Variants in TMEM39A observed in about 807,000 individuals in gnomAD.
The protein encoded by TMEM39A is transmembrane protein 39A, also known as suppressor of SQST-1 aggregates in rpl-43 mutants.
A neutral mutation model predicts 51.9 loss-of-function variants in TMEM39A; 19 were observed. The observed-to-expected ratio is 0.37, with a 90% CI of 0.26 to 0.54. The LOEUF (loss-of-function observed/expected upper bound fraction) is 0.54, where lower values mean the gene tolerates loss of function less well. Among genes scored for constraint, TMEM39A ranks in the 20% least tolerant of loss-of-function variants. The probability of loss-of-function intolerance (pLI) is 0.88; values close to 1 mark genes in which losing one functional copy is unlikely to be tolerated. For missense variants in TMEM39A, 433 were observed against 590.5 expected (o/e 0.73, Z 2.76); for synonymous variants, 197 against 220.2 (o/e 0.89, Z 0.93).
At chr3:119,447,245 A>ATTCC in intron 4 of TMEM39A, 73 bp from the exon 5 acceptor site, 1 of 1,505,736 alleles carries the variant, frequency 6.6e-7, no homozygotes, top group African/African-American at 1.4e-5. Flanking sequence ...TTCAAGTAAG[A>ATTCC]ACTTAATAGG....
intron 8 of TMEM39A, among the ~76,000 whole-genome samples, chr3:119,434,145 A>G (rs2080937200): frequency 6.6e-6 from 1 of 152,168 alleles, no homozygotes. Flanking sequence ...TTATAAGTAT[A>G]TACTTTTGCC....
chr3:119,457,607 T>A (rs191017007), intron 3 of TMEM39A, among the ~76,000 whole-genome samples: 13 of 152,302 alleles, frequency 8.5e-5, no homozygotes, highest in African/African-American at 2.9e-4. Context: ...CCTGAAGAAC[T>A]CCTGGCAACC....
rs746182405 is a variant in TMEM39A, at chr3:119,432,039, A to G, written c.1409T>C (p.Ile470Thr). The G allele has an allele frequency of 6.2e-7, 1 of 1,613,074 alleles. No individual in the cohort carries two copies. The highest frequency in any genetic ancestry group is 8.5e-7 in the Non-Finnish European group (1 of 1,179,448). The change falls in exon 9 of 9, where the codon ATA (isoleucine) becomes ACA (threonine). Residue 470 changes from isoleucine to threonine, a missense_variant. Coordinates refer to ENST00000319172, the MANE Select transcript of TMEM39A (RefSeq NM_018266.3). Reference sequence around the variant, plus strand: ...GTAGGAGTATGCCCTGCCTAATACTATTCTGTCCCGGAGAAGTTTAAATAA... The same window carrying G: ...GTAGGAGTATGCCCTGCCTAATACTGTTCTGTCCCGGAGAAGTTTAAATAA... ...YVLFKLLRDRIVLGRAYSYPL... is the reference protein window; with the variant it reads ...YVLFKLLRDRTVLGRAYSYPL...
intron 1 of TMEM39A, among the ~76,000 whole-genome samples, chr3:119,462,589 G>T (rs935594612): frequency 1.3e-4 from 18 of 133,638 alleles, no homozygotes; most frequent in Non-Finnish European, 2.2e-4. Flanking sequence ...ACCTTATCCG[G>T]ATAAGTTAAC....
intron 8 of TMEM39A, among the ~76,000 whole-genome samples, chr3:119,432,532 A>T (rs2080914910): frequency 6.6e-6 from 1 of 152,180 alleles, no homozygotes. Context: ...TAGGATAAAC[A>T]CAAAAGTATA....
rs146106236 is a variant in TMEM39A, at chr3:119,437,901, T to C, written c.778A>G (p.Thr260Ala). 872 of 1,613,572 alleles carry C rather than the reference T, an allele frequency of 5.4e-4. 1 individual carries two copies. The highest frequency in any genetic ancestry group is 1.3e-3 in the South Asian group (114 of 91,062). Residue 260 changes from threonine (T) to alanine (A), a missense_variant, in exon 6 of 9, where the codon ACC becomes GCC. By Grantham distance (58) the Thr-to-Ala change is moderately conservative (BLOSUM62 0). Transcript: ENST00000319172. The part of the protein sequence containing the change: ...EQFNNATPIP[T>A]HSCPLSPDLI... ...TCTGGAGATAGGGGACAACTGTGGGTGGGGATGGGTGTGGCATTATTAAAC... is the reference window on the plus strand; with the variant it reads ...TCTGGAGATAGGGGACAACTGTGGGCGGGGATGGGTGTGGCATTATTAAAC...
Position 119,434,872 on chromosome 3 carries a change from T to C in TMEM39A, c.1123A>G (p.Asn375Asp), listed in dbSNP as rs756704976. ...SNAPQHIWSE[N>D]TIWPQGVLVR... is the part of the protein sequence containing the mutation. The stretch of plus-strand genomic sequence containing the variant: ...AGCACCCCTTGAGGCCATATTGTAT[T>C]TTCTGACCAACTAAGGGAGAAAGAA... Residue 375 changes from asparagine (N) to aspartate (D), a missense_variant, in exon 8 of 9, where the codon AAT (asparagine) becomes GAT (aspartate). By Grantham distance (23) the Asn-to-Asp change is conservative. Transcript: ENST00000319172. The C allele has an allele frequency of 3.1e-6, 5 of 1,613,488 alleles. No homozygotes were observed. In the South Asian group the frequency reaches 3.3e-5, roughly 11 times the overall value.
At chr3:119,454,087 A>C (rs2081234661) in intron 3 of TMEM39A, among the ~76,000 whole-genome samples, 1 of 152,224 alleles carries the variant, frequency 6.6e-6, no homozygotes, top group Non-Finnish European at 1.5e-5. Context: ...AGGCCCTAAG[A>C]CAGGAAAATA....
Position 119,437,907 on chromosome 3 carries a change from T to C in TMEM39A, c.772A>G (p.Ile258Val), listed in dbSNP as rs747240258. 3 of 1,613,686 alleles carry C rather than the reference T, an allele frequency of 1.9e-6. No individual in the cohort carries two copies. In the African/African-American group the frequency reaches 4.0e-5, roughly 22 times the overall value. ...LKEQFNNATP[I>V]PTHSCPLSPD... ...GATAGGGGACAACTGTGGGTGGGGA[T>C]GGGTGTGGCATTATTAAACTGTTCT... is the stretch of plus-strand genomic sequence containing the variant. The change falls in exon 6 of 9, where the codon ATC becomes GTC. Residue 258 changes from isoleucine (I) to valine (V), a missense_variant. By Grantham distance (29) the Ile-to-Val change is conservative. This residue lies in a region of TMEM39A where 223 missense variants were observed against 328.1 expected (regional missense o/e 0.68). Coordinates refer to ENST00000319172, the MANE Select transcript of TMEM39A (RefSeq NM_018266.3).
In TMEM39A at chr3:119,449,525, C is replaced by T. The variant is rs573263509; in HGVS notation, c.421-2353G>A. The stretch of plus-strand genomic sequence containing the variant: ...GGAGTAATCCCAGCTACTTGGGAGG[C>T]CGAGGCAGGAGAATCGCTTGAACCA... On this transcript the variant is annotated intron_variant, in intron 4 of 8. Coordinates refer to ENST00000319172, the MANE Select transcript of TMEM39A (RefSeq NM_018266.3). Among the ~76,000 whole-genome samples, 5 of 151,670 alleles carry T rather than the reference C, an allele frequency of 3.3e-5. No homozygotes were observed. The East Asian group carries it at 7.8e-4, about 24-fold the overall frequency.
At chr3:119,445,334 G>A (rs1163175970) in intron 5 of TMEM39A, among the ~76,000 whole-genome samples, 2 of 152,228 alleles carry the variant, frequency 1.3e-5, no homozygotes, top group East Asian at 1.9e-4. Flanking sequence ...TCCTGGCTCT[G>A]GCTCATTGCA....
intron 4 of TMEM39A, among the ~76,000 whole-genome samples, chr3:119,448,803 G>A (rs748109664): frequency 6.6e-6 from 1 of 152,152 alleles, no homozygotes. Flanking sequence ...TCTGCCCAAT[G>A]TCATCAGAGC....
intron 8 of TMEM39A, among the ~76,000 whole-genome samples, chr3:119,432,704 G>C (rs1279248851): frequency 2.0e-5 from 3 of 152,014 alleles, no homozygotes; most frequent in Non-Finnish European, 4.4e-5. Flanking sequence ...ACCAACACTA[G>C]ACAAGTTTGG....
At chr3:119,435,887 A>G (rs1285607242) in intron 7 of TMEM39A, 11 of 1,289,562 alleles carry the variant, frequency 8.5e-6, no homozygotes, top group Non-Finnish European at 1.1e-5. Flanking sequence ...GTTTCTTTTC[A>G]GCCTGGCCCA....
chr3:119,435,365 T>G (rs2080954163), intron 7 of TMEM39A: 1 of 985,344 alleles, frequency 1.0e-6, no homozygotes, highest in Non-Finnish European at 1.2e-6. Flanking sequence ...ATCAGTTTGC[T>G]TATCACACAA....
In TMEM39A at chr3:119,450,332, T is replaced by C. The variant is rs749128335; in HGVS notation, c.420+2115A>G. Among the ~76,000 whole-genome samples, 3 of 152,338 alleles carry C rather than the reference T, an allele frequency of 2.0e-5. No homozygotes were observed. The East Asian group carries it at 5.8e-4, about 29-fold the overall frequency. On this transcript the variant is annotated intron_variant, in intron 4 of 8. Transcript: ENST00000319172. ...CTCATTTTAAACACTGTTCTGCACC[T>C]TGCTTTTTTCATTTAACATCTTGGA...
intron 6 of TMEM39A, 59 bp from the exon 7 acceptor site, chr3:119,437,037 G>A (rs771538628): frequency 3.3e-6 from 5 of 1,519,596 alleles, no homozygotes; most frequent in Admixed American, 3.5e-5. Context: ...AGGCAGGGAT[G>A]GGTTGGTGTA....
Position 119,431,759 on chromosome 3 carries a change from C to A in TMEM39A, c.*222G>T, listed in dbSNP as rs1160827938. 2 of 350,898 alleles carry A rather than the reference C, an allele frequency of 5.7e-6. No individual in the cohort carries two copies. Among genetic ancestry groups the A allele is most frequent in the South Asian group, 6.1e-5 (1 of 16,394 alleles). The allele number at this position is 350,898 out of a possible 1,614,324, so 21.7% of individuals were successfully genotyped here. A position where few individuals can be genotyped will look rare whatever the true frequency, so the allele number is the denominator to read the frequency against. ...CAAACAAATCAATCTCTTTACTGGA[C>A]AGGCATACCTCTCATATGTATATTA... On this transcript the variant is annotated 3_prime_UTR_variant, in exon 9 of 9. Coordinates refer to ENST00000319172, the MANE Select transcript of TMEM39A (RefSeq NM_018266.3).
chr3:119,459,754 C>G (rs1323461614), intron 2 of TMEM39A, among the ~76,000 whole-genome samples: 1 of 152,124 alleles, frequency 6.6e-6, no homozygotes, highest in Non-Finnish European at 1.5e-5. Flanking sequence ...AAGCACCTAC[C>G]AAACAGGGAC....
Sources: allele counts gnomAD v4.1 joint callset (sites outside exome capture counted in the v4.1 genomes callset), GRCh38; gene constraint gnomAD v4.1.1; regional missense constraint gnomAD v4.1.1; transcripts MANE v1.5; gene names NCBI Gene and HGNC (gene_info 2026-07-23, HGNC 2026-07-21).